Variants in RAP1A observed in about 807,000 individuals in gnomAD.
RAP1A encodes the protein RAP1A, member of RAS oncogene family, also known as ras-related protein Rap-1A.
In RAP1A, 6 loss-of-function variants were observed where a neutral mutation model predicts 26.4. That is an observed-to-expected ratio of 0.23 (90% CI 0.12 to 0.45). RAP1A has a LOEUF of 0.45. Among genes scored for constraint, RAP1A ranks in the 20% least tolerant of loss-of-function variants. RAP1A has a pLI of 0.99. For missense variants in RAP1A, 121 were observed against 217.2 expected, an observed-to-expected ratio of 0.56 and a Z score of 2.78; for synonymous variants, 73 against 79.4, an observed-to-expected ratio of 0.92 and a Z score of 0.43.
At chr1:111,628,115 C>T (rs2101099233) in intron 1 of RAP1A, among the ~76,000 whole-genome samples, 1 of 152,068 alleles carries the variant, frequency 6.6e-6, no homozygotes, top group African/African-American at 2.4e-5. Context: ...TAATATCTAC[C>T]CCATAGGATT....
intron 1 of RAP1A, among the ~76,000 whole-genome samples, chr1:111,666,913 T>C (rs2101171011): frequency 9.5e-6 from 1 of 105,542 alleles, no homozygotes; most frequent in East Asian, 2.9e-4. Flanking sequence ...ATGGCCAGTG[T>C]GGCTGTCATA....
rs192845041 is a variant in RAP1A, at chr1:111,552,844, G to A, written c.-28+10335G>A. Reference sequence around the variant, plus strand: ...AAGTATTGCTATGAGGATTAAATGAGTTAACACTTGTCAAGTGATTAGTAC... The same window carrying A: ...AAGTATTGCTATGAGGATTAAATGAATTAACACTTGTCAAGTGATTAGTAC... On this transcript the variant is annotated intron_variant, in intron 1 of 7. Coordinates refer to the RAP1A transcript ENST00000356415. Among the ~76,000 whole-genome samples the A allele has an allele frequency of 6.6e-5, 10 of 152,328 alleles. No homozygotes were observed. The East Asian group carries it at 1.9e-3, about 29-fold the overall frequency.
chr1:111,649,536 G>T (rs377011992), intron 1 of RAP1A: 22 of 268,548 alleles, frequency 8.2e-5, no homozygotes, highest in African/African-American at 4.9e-4. Context: ...TGAAGCGAGT[G>T]GTAAAGCTCA....
chr1:111,644,651 G>A (rs750777783), intron 1 of RAP1A, among the ~76,000 whole-genome samples: 7 of 152,154 alleles, frequency 4.6e-5, no homozygotes, highest in Non-Finnish European at 7.3e-5. Context: ...TATCCACTTC[G>A]CCAACTCTTG....
intron 4 of RAP1A, among the ~76,000 whole-genome samples, chr1:111,700,110 T>C (rs1382712010): frequency 6.6e-6 from 1 of 152,206 alleles, no homozygotes; most frequent in East Asian, 1.9e-4. Context: ...CAGGGTTCAA[T>C]ACTTGCACTT....
intron 1 of RAP1A, among the ~76,000 whole-genome samples, chr1:111,583,281 C>A (rs1658294704): frequency 1.9e-5 from 2 of 102,750 alleles, no homozygotes; most frequent in South Asian, 7.1e-4. Flanking sequence ...TATATAAATG[C>A]TCATGCTTTA....
At chr1:111,626,921 C>T in intron 1 of RAP1A, among the ~76,000 whole-genome samples, 1 of 151,950 alleles carries the variant, frequency 6.6e-6, no homozygotes. Flanking sequence ...ACATTCTTTA[C>T]ACAACCTAAA....
intron 1 of RAP1A, among the ~76,000 whole-genome samples, chr1:111,667,190 G>A (rs1660820482): frequency 6.6e-6 from 1 of 152,086 alleles, no homozygotes; most frequent in African/African-American, 2.4e-5. Context: ...TCTTTGCCTG[G>A]AGGGTAACGG....
At chr1:111,657,547 T>C (rs909926778) in intron 1 of RAP1A, among the ~76,000 whole-genome samples, 2 of 152,216 alleles carry the variant, frequency 1.3e-5, no homozygotes, top group African/African-American at 2.4e-5. Context: ...CATTGTCATG[T>C]ATCTTTCCTC....
intron 1 of RAP1A, among the ~76,000 whole-genome samples, chr1:111,575,258 G>C (rs1379990499): frequency 4.6e-5 from 7 of 152,028 alleles, no homozygotes; most frequent in African/African-American, 1.7e-4. Context: ...AAGGGTTCAA[G>C]TGATTCTTGT....
At chr1:111,624,890 A>G (rs1659345593) in intron 1 of RAP1A, among the ~76,000 whole-genome samples, 1 of 152,182 alleles carries the variant, frequency 6.6e-6, no homozygotes, top group South Asian at 2.1e-4. Flanking sequence ...CTAATGACTT[A>G]TTTACTTAGG....
chr1:111,583,837 G>C (rs1316687981), intron 1 of RAP1A, among the ~76,000 whole-genome samples: 1 of 147,268 alleles, frequency 6.8e-6, no homozygotes, highest in Non-Finnish European at 1.5e-5. Context: ...TGTTGAATAA[G>C]CAAAACAAGA....
At chr1:111,559,316 G>A (rs918581687) in intron 1 of RAP1A, among the ~76,000 whole-genome samples, 1 of 152,036 alleles carries the variant, frequency 6.6e-6, no homozygotes, top group African/African-American at 2.4e-5. Context: ...TGGAAGGAAG[G>A]AATTTATTCA....
At chr1:111,623,453 C>T (rs1557869223) in intron 1 of RAP1A, among the ~76,000 whole-genome samples, 1 of 152,138 alleles carries the variant, frequency 6.6e-6, no homozygotes, top group Non-Finnish European at 1.5e-5. Context: ...GTCACCCAGG[C>T]TGGAGTACAG....
upstream of RAP1A, among the ~76,000 whole-genome samples, chr1:111,619,048 T>G (rs933676593): frequency 1.3e-5 from 2 of 152,238 alleles, no homozygotes; most frequent in South Asian, 2.1e-4. Flanking sequence ...GCCCACAGGC[T>G]TCACTGGATC....
At chr1:111,695,432 A>G in intron 3 of RAP1A, 23 bp downstream of exon 3, 2 of 1,481,262 alleles carry the variant, frequency 1.4e-6, no homozygotes, top group Non-Finnish European at 1.8e-6. Context: ...ACTTGTACAC[A>G]CATGCTTACA....
chr1:111,667,982 G>A (rs371298086), intron 1 of RAP1A, among the ~76,000 whole-genome samples: 3 of 152,152 alleles, frequency 2.0e-5, no homozygotes, highest in African/African-American at 7.2e-5. Flanking sequence ...AGACTCCACC[G>A]AGTGTCTGTG....
chr1:111,579,426 G>C (rs1377349083), intron 1 of RAP1A, among the ~76,000 whole-genome samples: 1 of 152,190 alleles, frequency 6.6e-6, no homozygotes, highest in Non-Finnish European at 1.5e-5. Context: ...ATCACAAGGG[G>C]AAAGGGAGCC....
At chr1:111,657,893 T>TA (rs2101150932) in intron 1 of RAP1A, among the ~76,000 whole-genome samples, 1 of 152,332 alleles carries the variant, frequency 6.6e-6, no homozygotes, top group East Asian at 1.9e-4. Context: ...TATTTAGAAA[T>TA]ATGTTGTTTA....
Sources: gnomAD v4.1 joint callset for allele counts (sites outside exome capture counted in the v4.1 genomes callset) on GRCh38, gnomAD v4.1.1 for gene constraint, MANE v1.5 for transcripts, NCBI Gene and HGNC (gene_info 2026-07-23, HGNC 2026-07-21) for gene names.